L3HYPDH: variants seen among roughly 807,000 people sequenced by gnomAD.
L3HYPDH encodes the protein trans-L-3-hydroxyproline dehydratase.
In L3HYPDH, 32 loss-of-function variants were observed where a neutral mutation model predicts 26.5. The ratio of observed to expected loss-of-function variants is 1.21; its 90% CI spans 0.91 to 1.62. The LOEUF (loss-of-function observed/expected upper bound fraction) is 1.62, where lower values mean the gene tolerates loss of function less well. L3HYPDH is among the 40% of genes most tolerant of loss of function. The pLI is 0.00. For synonymous variants in L3HYPDH, 215 were observed against 196.6 expected, an observed-to-expected ratio of 1.09 and a Z score of -0.78; for missense variants, 554 against 476.4, an observed-to-expected ratio of 1.16 and a Z score of -1.52.
intron 2 of L3HYPDH, among the ~76,000 whole-genome samples, chr14:59,476,995 C>T (rs1219293559): frequency 1.2e-4 from 19 of 152,186 alleles, no homozygotes; most frequent in Admixed American, 1.3e-4. Context: ...ACAATTAGTA[C>T]TTTCTACTTC....
chr14:59,500,656 A>G, the L3HYPDH span, among the ~76,000 whole-genome samples: 1 of 152,192 alleles, frequency 6.6e-6, no homozygotes, highest in African/African-American at 2.4e-5. Flanking sequence ...CACCTTGACC[A>G]CAAAACACAG....
chr14:59,493,897 A>T, the L3HYPDH span, among the ~76,000 whole-genome samples: 1 of 152,182 alleles, frequency 6.6e-6, no homozygotes, highest in African/African-American at 2.4e-5. Flanking sequence ...ACAGACAATT[A>T]TATATGAAAC....
intron 2 of L3HYPDH, among the ~76,000 whole-genome samples, chr14:59,477,095 T>C (rs1367642235): frequency 1.3e-5 from 2 of 152,200 alleles, no homozygotes; most frequent in Admixed American, 6.5e-5. Flanking sequence ...GGCCTGCAGA[T>C]TGAATCTTTG....
upstream of L3HYPDH, chr14:59,487,670 A>G (rs776338892): frequency 3.7e-6 from 6 of 1,609,392 alleles, no homozygotes; most frequent in Non-Finnish European, 5.1e-6. Flanking sequence ...TTTATATATT[A>G]TAGGTATGCC....
the L3HYPDH span, chr14:59,501,103 C>A: frequency 1.2e-6 from 1 of 849,664 alleles, no homozygotes. Flanking sequence ...GGATTTGACT[C>A]TAAGGAAAAT....
chr14:59,495,014 C>G, the L3HYPDH span: 1 of 1,610,598 alleles, frequency 6.2e-7, no homozygotes, highest in Non-Finnish European at 8.5e-7. Context: ...TTTTCCTTCT[C>G]TAGTTCCAGC....
At chr14:59,496,282 T>C in the L3HYPDH span, among the ~76,000 whole-genome samples, 1 of 150,882 alleles carries the variant, frequency 6.6e-6, no homozygotes, top group Non-Finnish European at 1.5e-5. Flanking sequence ...TATAAAATAC[T>C]ATATAAAACA....
downstream of L3HYPDH, among the ~76,000 whole-genome samples, chr14:59,470,233 C>T (rs937855304): frequency 4.6e-5 from 7 of 152,128 alleles, no homozygotes; most frequent in Non-Finnish European, 4.4e-5. Context: ...AAAATAGGCT[C>T]ATCCAAAAGT....
chr14:59,482,928 G>A (rs1890138963), intron 1 of L3HYPDH, among the ~76,000 whole-genome samples: 1 of 152,222 alleles, frequency 6.6e-6, no homozygotes, highest in Admixed American at 6.5e-5. Context: ...CTGGGAGGTA[G>A]TAGTCTGATG....
chr14:59,475,530 A>C (rs1256808665), intron 4 of L3HYPDH, among the ~76,000 whole-genome samples: 2 of 152,226 alleles, frequency 1.3e-5, no homozygotes, highest in African/African-American at 4.8e-5. Flanking sequence ...TCTCATATCT[A>C]GCTTCTGCAT....
chr14:59,486,661 A>T (rs1253109), upstream of L3HYPDH: 522,453 of 1,270,724 alleles, frequency 0.41, 110,945 homozygotes, highest in African/African-American at 0.63. Context: ...TATTGCAATT[A>T]TTTTTTATAA....
upstream of L3HYPDH, chr14:59,484,614 C>T: frequency 6.3e-7 from 1 of 1,578,282 alleles, no homozygotes; most frequent in Non-Finnish European, 8.6e-7. Flanking sequence ...GCCAAGATCC[C>T]GGGAAGCGTT....
chr14:59,484,744 C>G, upstream of L3HYPDH: 4 of 1,077,984 alleles, frequency 3.7e-6, no homozygotes, highest in Non-Finnish European at 1.3e-6. Context: ...CCGGGCTCCG[C>G]ACTCCTGCGG....
At chr14:59,503,484 T>C in the L3HYPDH span, among the ~76,000 whole-genome samples, 2 of 152,172 alleles carry the variant, frequency 1.3e-5, no homozygotes, top group East Asian at 3.9e-4. Flanking sequence ...TGTAGATCCA[T>C]AGCAACAGTG....
chr14:59,479,508 C>T (rs1485243665), intron 1 of L3HYPDH, among the ~76,000 whole-genome samples, 157 bp from the exon 2 acceptor site: 6 of 150,404 alleles, frequency 4.0e-5, no homozygotes, highest in Non-Finnish European at 7.4e-5. Context: ...AATGAATAAG[C>T]ATCGAGTGAA....
the L3HYPDH span, chr14:59,500,810 G>C: frequency 6.4e-6 from 1 of 156,060 alleles, no homozygotes; most frequent in Non-Finnish European, 1.4e-5. Flanking sequence ...CCCAAGGATA[G>C]TTTTTACAAT....
At chr14:59,484,607 A>G (rs1890359581), upstream of L3HYPDH, 2 of 1,579,170 alleles carry the variant, frequency 1.3e-6, no homozygotes, top group South Asian at 2.3e-5. Context: ...AGTGGTCGCC[A>G]AGATCCCGGG....
At chr14:59,496,076 G>A in the L3HYPDH span, among the ~76,000 whole-genome samples, 5 of 152,060 alleles carry the variant, frequency 3.3e-5, no homozygotes, top group African/African-American at 1.2e-4. Flanking sequence ...GCTAATTTTT[G>A]TATTTTTAGT....
chr14:59,483,649 A>G, intron 1 of L3HYPDH, 160 bp downstream of exon 1: 1 of 1,442,968 alleles, frequency 6.9e-7, no homozygotes, highest in Non-Finnish European at 9.1e-7. Flanking sequence ...CAAATACGCA[A>G]GGCTGCTGAC....
Sources: allele counts gnomAD v4.1 joint callset (sites outside exome capture counted in the v4.1 genomes callset), GRCh38; gene constraint gnomAD v4.1.1; transcripts MANE v1.5; gene names NCBI Gene and HGNC (gene_info 2026-07-23, HGNC 2026-07-21).